SLC2A9: variants seen among roughly 807,000 people sequenced by gnomAD.
The protein encoded by SLC2A9 is solute carrier family 2 member 9, also known as solute carrier family 2, facilitated glucose transporter member 9.
Under a neutral mutation model 50.6 loss-of-function variants are expected in SLC2A9, and 39 were observed. The observed-to-expected ratio is 0.77, with a 90% CI of 0.60 to 1.01. The LOEUF is 1.01. Among genes scored for constraint, SLC2A9 ranks in the 50% least tolerant of loss-of-function variants. SLC2A9 has a pLI of 0.00. For missense variants in SLC2A9, 686 were observed against 677.6 expected (o/e 1.01, Z -0.14); for synonymous variants, 324 against 276.9 (o/e 1.17, Z -1.69).
intron 7 of SLC2A9, among the ~76,000 whole-genome samples, chr4:9,909,817 G>A (rs935007958): frequency 3.3e-5 from 5 of 152,234 alleles, no homozygotes; most frequent in African/African-American, 1.2e-4. Flanking sequence ...CTGCATTAAA[G>A]GACCTTATGA....
chr4:9,876,052 T>C (rs138554449), intron 10 of SLC2A9, among the ~76,000 whole-genome samples: 143 of 152,342 alleles, frequency 9.4e-4, no homozygotes, highest in Non-Finnish European at 1.2e-3. Context: ...TCGACAGGGG[T>C]GAGAACTGGT....
At chr4:9,949,599 C>T (rs1426107168) in intron 5 of SLC2A9, among the ~76,000 whole-genome samples, 1 of 152,186 alleles carries the variant, frequency 6.6e-6, no homozygotes, top group Admixed American at 6.5e-5. Context: ...GATCCCTGTA[C>T]GGGGCTCTTT....
intron 4 of SLC2A9, among the ~76,000 whole-genome samples, chr4:9,983,766 G>C (rs1386781437): frequency 6.6e-6 from 1 of 152,254 alleles, no homozygotes; most frequent in African/African-American, 2.4e-5. Context: ...TCGCTCTGTA[G>C]CCAAGGCTAA....
chr4:9,909,249 G>C (rs955369865), intron 7 of SLC2A9, among the ~76,000 whole-genome samples: 1 of 152,178 alleles, frequency 6.6e-6, no homozygotes, highest in African/African-American at 2.4e-5. Context: ...TGACTACACT[G>C]GTTCTGTAAT....
chr4:10,002,115 C>A lies in SLC2A9; in HGVS notation c.250-5174G>T, dbSNP rs372300250. On this transcript the variant is annotated intron_variant, in intron 2 of 11. Transcript: ENST00000264784. The stretch of plus-strand genomic sequence containing the variant: ...GCTGCAATGTCCTGTGCCAGCGGTG[C>A]AGTCAATGGCAGTGGTGGCTGCAGC... Among the ~76,000 whole-genome samples, 6 of 152,346 alleles carry A rather than the reference C, an allele frequency of 3.9e-5. No individual in the cohort carries two copies. The East Asian group carries it at 5.8e-4, about 15-fold the overall frequency.
chr4:9,826,647 C>T (rs2109078587), intron 11 of SLC2A9, 47 bp from the exon 12 acceptor site: 1 of 1,567,968 alleles, frequency 6.4e-7, no homozygotes, highest in East Asian at 2.2e-5. Flanking sequence ...AATCAGTAAA[C>T]TTGCTGTTAA....
chr4:9,953,460 C>T (rs1750668781), intron 5 of SLC2A9, among the ~76,000 whole-genome samples: 1 of 152,242 alleles, frequency 6.6e-6, no homozygotes, highest in African/African-American at 2.4e-5. Context: ...GCACTGCCTG[C>T]TCCCTTGGTC....
intron 10 of SLC2A9, among the ~76,000 whole-genome samples, chr4:9,845,903 A>G (rs925252582): frequency 1.3e-5 from 2 of 152,134 alleles, no homozygotes; most frequent in African/African-American, 4.8e-5. Context: ...CTTCACGGGC[A>G]TTCTGTTTTG....
intron 5 of SLC2A9, among the ~76,000 whole-genome samples, chr4:9,957,809 A>G (rs1450548147): frequency 2.0e-5 from 3 of 152,200 alleles, no homozygotes; most frequent in African/African-American, 4.8e-5. Flanking sequence ...AACTTAGAAG[A>G]GCAGCCTATT....
chr4:9,958,950 T>C (rs1249024375), intron 5 of SLC2A9, among the ~76,000 whole-genome samples: 1 of 150,828 alleles, frequency 6.6e-6, no homozygotes, highest in African/African-American at 2.5e-5. Flanking sequence ...AATGATGGAA[T>C]TAATAACTCC....
intron 3 of SLC2A9, chr4:9,782,552 C>T (rs1015371380): frequency 8.7e-6 from 14 of 1,613,860 alleles, no homozygotes; most frequent in African/African-American, 1.3e-5. Flanking sequence ...CTCCTTCATT[C>T]CGGTCCAGCT....
At chr4:9,942,613 CT>C (rs1748380283) in intron 5 of SLC2A9, among the ~76,000 whole-genome samples, 2 of 152,270 alleles carry the variant, frequency 1.3e-5, no homozygotes, top group African/African-American at 4.8e-5. Context: ...GAGAGGAGGC[CT>C]TTCACTTTCC....
intron 1 of SLC2A9, among the ~76,000 whole-genome samples, chr4:10,028,241 T>C (rs1279842601): frequency 2.0e-5 from 3 of 152,182 alleles, no homozygotes; most frequent in Admixed American, 6.5e-5. Flanking sequence ...ATTTGACAAC[T>C]TGGGTAAAGA....
intron 7 of SLC2A9, among the ~76,000 whole-genome samples, chr4:9,912,262 C>T (rs999612127): frequency 6.6e-6 from 1 of 151,730 alleles, no homozygotes; most frequent in African/African-American, 2.4e-5. Flanking sequence ...GCACGTTGTG[C>T]ACATGTACCC....
chr4:9,816,451 G>A (rs1560146276), intron 3 of SLC2A9, among the ~76,000 whole-genome samples: 1 of 152,116 alleles, frequency 6.6e-6, no homozygotes, highest in Non-Finnish European at 1.5e-5. Context: ...ATAAGTTCTG[G>A]AGATCTCATG....
chr4:9,981,750 A>T (rs6840000), intron 4 of SLC2A9, among the ~76,000 whole-genome samples: 2,641 of 152,342 alleles, frequency 0.017, 86 homozygotes, highest in African/African-American at 0.059. Flanking sequence ...TTCTAGATGA[A>T]GAACACTCCA....
chr4:9,840,680 T>C (rs1224508158), intron 10 of SLC2A9, among the ~76,000 whole-genome samples: 3 of 152,210 alleles, frequency 2.0e-5, no homozygotes, highest in Non-Finnish European at 1.5e-5. Context: ...TTTGCCTTTT[T>C]CTACCTAGAA....
At chr4:9,812,203 C>A (rs1722979499) in intron 3 of SLC2A9, among the ~76,000 whole-genome samples, 2 of 152,088 alleles carry the variant, frequency 1.3e-5, no homozygotes, top group South Asian at 4.1e-4. Flanking sequence ...CTCAACAATC[C>A]CTGATTTTTA....
At chr4:10,019,114 C>T in intron 1 of SLC2A9, 41 bp from the exon 2 acceptor site, 1 of 1,520,996 alleles carries the variant, frequency 6.6e-7, no homozygotes, top group South Asian at 1.2e-5. Flanking sequence ...GCACCGGGCG[C>T]GCAGCCAGGG....
Sources: gnomAD v4.1 joint callset for allele counts (sites outside exome capture counted in the v4.1 genomes callset) on GRCh38, gnomAD v4.1.1 for gene constraint, MANE v1.5 for transcripts, NCBI Gene and HGNC (gene_info 2026-07-23, HGNC 2026-07-21) for gene names.